The following TDRD7 variants were observed in gnomAD, a reference collection of about 807,000 sequenced individuals.
TDRD7 encodes tudor domain-containing protein 7.
TDRD7 carries 47 observed loss-of-function variants against 109.8 expected under a neutral mutation model. The observed-to-expected ratio is 0.43, with a 90% CI of 0.34 to 0.55. TDRD7 has a LOEUF of 0.55. TDRD7 is among the 20% of genes least tolerant of loss of function. The pLI is 0.03. For synonymous variants in TDRD7, 424 were observed against 457.3 expected (o/e 0.93, Z 0.93); for missense variants, 1,164 against 1,319.2 (o/e 0.88, Z 1.82).
At chr9:97,442,986 G>C (rs1467303698) in intron 6 of TDRD7, among the ~76,000 whole-genome samples, 1 of 152,284 alleles carries the variant, frequency 6.6e-6, no homozygotes, top group East Asian at 1.9e-4. Context: ...AGTAGAGACA[G>C]GGTTTCACCA....
Position 97,462,828 on chromosome 9 carries a change from C to G in TDRD7, c.1443-2014C>G, listed in dbSNP as rs1255881621. On this transcript the variant is annotated intron_variant, in intron 7 of 16. Transcript: ENST00000355295. ...CCTATCTGTGCAGCCCTCCTTCTCT[C>G]CTGGCTGCTTAAGAGAAGAGAAGCT... 2.6e-5 allele frequency among the ~76,000 whole-genome samples: 4 copies of G among 152,368 alleles called. No individual in the cohort carries two copies. The East Asian group carries it at 7.7e-4, about 29-fold the overall frequency.
In TDRD7 at chr9:97,430,945, G is replaced by A; in HGVS notation, c.220G>A (p.Ala74Thr). Residue 74 changes from alanine to threonine, a missense_variant, in exon 3 of 17, where the codon GCC becomes ACC. Ala to Thr is a moderately conservative substitution (Grantham distance 58). This residue lies in a region of TDRD7 where 101 missense variants were observed against 148.5 expected (regional missense o/e 0.68). Transcript: ENST00000355295. ...TSRSGEITCYAMACTETARIA... is the reference protein window; with the variant it reads ...TSRSGEITCYTMACTETARIA... ...CTCTAATGAATAGATTACCTGCTAT[G>A]CCATGGCCTGCACAGAAACTGCAAG... The A allele has an allele frequency of 6.2e-7, 1 of 1,613,770 alleles. No homozygotes were observed. Among genetic ancestry groups the A allele is most frequent in the South Asian group, 1.1e-5 (1 of 91,072 alleles).
At chr9:97,417,019 G>A (rs1827822818) in intron 1 of TDRD7, among the ~76,000 whole-genome samples, 1 of 152,134 alleles carries the variant, frequency 6.6e-6, no homozygotes, top group African/African-American at 2.4e-5. Context: ...ATTTTGAATA[G>A]GGTGGCCAGA....
At chr9:97,437,260 TG>T in intron 4 of TDRD7, among the ~76,000 whole-genome samples, 1 of 152,334 alleles carries the variant, frequency 6.6e-6, no homozygotes. Flanking sequence ...CAGCCATGGC[TG>T]GGATCTTATC....
chr9:97,453,876 A>G (rs1384301911), intron 6 of TDRD7, among the ~76,000 whole-genome samples: 1 of 152,216 alleles, frequency 6.6e-6, no homozygotes, highest in Non-Finnish European at 1.5e-5. Flanking sequence ...TGCACCCAAT[A>G]CAAGAGCGCG....
chr9:97,455,500 G>C (rs1157173972), intron 6 of TDRD7, among the ~76,000 whole-genome samples: 3 of 152,112 alleles, frequency 2.0e-5, no homozygotes, highest in Non-Finnish European at 4.4e-5. Flanking sequence ...TTCATCCCTG[G>C]GATGCAAGCC....
intron 4 of TDRD7, among the ~76,000 whole-genome samples, chr9:97,435,084 C>G (rs547841000): frequency 2.0e-5 from 3 of 152,194 alleles, no homozygotes; most frequent in African/African-American, 7.2e-5. Flanking sequence ...TGGGACAGTT[C>G]TGTATGTTGA....
At chr9:97,421,243 C>T (rs990254811) in intron 1 of TDRD7, among the ~76,000 whole-genome samples, 2 of 152,034 alleles carry the variant, frequency 1.3e-5, no homozygotes, top group African/African-American at 4.8e-5. Context: ...ATCAGCACTT[C>T]GTATTGTCAG....
At chr9:97,487,891 T>C (rs947384430) in intron 16 of TDRD7, among the ~76,000 whole-genome samples, 1 of 152,196 alleles carries the variant, frequency 6.6e-6, no homozygotes, top group African/African-American at 2.4e-5. Flanking sequence ...AATAGAGTAT[T>C]ATGCAATCTT....
chr9:97,448,270 A>G (rs552071847), intron 6 of TDRD7, among the ~76,000 whole-genome samples: 53 of 152,358 alleles, frequency 3.5e-4, no homozygotes, highest in African/African-American at 1.2e-3. Context: ...TGTAGGTGAT[A>G]TGGAACGGTG....
intron 1 of TDRD7, among the ~76,000 whole-genome samples, chr9:97,415,729 G>A (rs1827800344): frequency 6.6e-6 from 1 of 152,164 alleles, no homozygotes; most frequent in Non-Finnish European, 1.5e-5. Context: ...GCAGGCGGAG[G>A]TTGCAGTGAG....
At chr9:97,446,696 T>C (rs975039165) in intron 6 of TDRD7, among the ~76,000 whole-genome samples, 7 of 152,194 alleles carry the variant, frequency 4.6e-5, no homozygotes, top group African/African-American at 1.7e-4. Flanking sequence ...GTCACTTACA[T>C]AGAGATGTTT....
At chr9:97,495,563 A>G in intron 16 of TDRD7, 100 bp from the exon 17 acceptor site, 1 of 1,178,818 alleles carries the variant, frequency 8.5e-7, no homozygotes, top group East Asian at 2.3e-5. Context: ...GGGATGCTTA[A>G]GTTACTTTGG....
chr9:97,480,537 T>C (rs1384042355), intron 13 of TDRD7: 7 of 402,354 alleles, frequency 1.7e-5, no homozygotes, highest in Non-Finnish European at 3.3e-5. Context: ...TTTCCCCATC[T>C]GTGAAATGGG....
At chr9:97,423,056 A>G (rs945111410) in intron 1 of TDRD7, among the ~76,000 whole-genome samples, 1 of 152,194 alleles carries the variant, frequency 6.6e-6, no homozygotes, top group Admixed American at 6.5e-5. Flanking sequence ...GAGTTCAGAA[A>G]TGTTCTCTTC....
At position 97,457,164 on chromosome 9, in the gene TDRD7, G is replaced by A. The variant is rs541141180; in HGVS notation, c.856-3014G>A. 4.6e-5 allele frequency among the ~76,000 whole-genome samples: 7 copies of A among 152,238 alleles called. No individual in the cohort carries two copies. The South Asian group carries it at 1.5e-3, about 32-fold the overall frequency. ...CAGAATGGCAATTATTAAAAAGTGA[G>A]GAAACAGTGTTGGTGAGGCTGTGGA... is the stretch of plus-strand genomic sequence containing the variant. On this transcript the variant is annotated intron_variant, in intron 6 of 16. Transcript: ENST00000355295.
chr9:97,458,167 C>A (rs370755033), intron 6 of TDRD7, among the ~76,000 whole-genome samples: 171 of 152,186 alleles, frequency 1.1e-3, no homozygotes, highest in African/African-American at 4.0e-3. Flanking sequence ...GTAGGCTATA[C>A]CATCTAGGTT....
intron 4 of TDRD7, among the ~76,000 whole-genome samples, chr9:97,434,157 C>T (rs1056027421): frequency 2.6e-5 from 4 of 152,156 alleles, no homozygotes; most frequent in Non-Finnish European, 5.9e-5. Flanking sequence ...GTTGTATCTA[C>T]TGAATGGAAT....
chr9:97,432,695 G>A (rs1190477561), intron 4 of TDRD7, among the ~76,000 whole-genome samples: 1 of 152,132 alleles, frequency 6.6e-6, no homozygotes, highest in Non-Finnish European at 1.5e-5. Flanking sequence ...TTGTTTGGGT[G>A]CTGCCATTCA....
Sources: allele counts gnomAD v4.1 joint callset (sites outside exome capture counted in the v4.1 genomes callset), GRCh38; gene constraint gnomAD v4.1.1; regional missense constraint gnomAD v4.1.1; transcripts MANE v1.5; gene names NCBI Gene and HGNC (gene_info 2026-07-23, HGNC 2026-07-21).